The following VAC14 variants were observed in gnomAD, a reference collection of about 807,000 sequenced individuals.
The protein encoded by VAC14 is protein VAC14 homolog.
Under a neutral mutation model 85.3 loss-of-function variants are expected in VAC14, and 47 were observed. That is an observed-to-expected ratio of 0.55 (90% CI 0.44 to 0.70). VAC14 has a LOEUF of 0.70. Among genes scored for constraint, VAC14 ranks in the 30% least tolerant of loss-of-function variants. The pLI, the probability that VAC14 is intolerant of heterozygous loss-of-function variation, is 0.00. For missense variants in VAC14, 861 were observed against 1,004.3 expected, an observed-to-expected ratio of 0.86 and a Z score of 1.93; for synonymous variants, 447 against 430.5, an observed-to-expected ratio of 1.04 and a Z score of -0.47.
intron 18 of VAC14, chr16:70,691,377 G>A (rs1026552894): frequency 3.0e-6 from 3 of 985,302 alleles, no homozygotes; most frequent in Non-Finnish European, 3.6e-6. Context: ...CCCCTCCTGG[G>A]TGCCTGCCAG....
Position 70,688,091 on chromosome 16 carries a change from C to A in VAC14, c.2187-1G>T. ...CTTGGGGGCTGCCTTTAGACTGTCT[C>A]TGGGAAGAGGGAGCAGAAATGCTCA... On this transcript the variant is annotated splice_acceptor_variant, in intron 18 of 18. Coordinates refer to ENST00000261776, the MANE Select transcript of VAC14 (RefSeq NM_018052.5). LOFTEE classifies it high-confidence loss of function. 1 of 1,561,212 alleles carries A rather than the reference C, an allele frequency of 6.4e-7. No homozygotes were observed. The highest frequency in any genetic ancestry group is 8.7e-7 in the Non-Finnish European group (1 of 1,147,996).
At chr16:70,710,461 C>T (rs1597867491) in intron 14 of VAC14, among the ~76,000 whole-genome samples, 3 of 152,196 alleles carry the variant, frequency 2.0e-5, no homozygotes, top group Non-Finnish European at 2.9e-5. Context: ...AGGAATGAGG[C>T]GGGTGAGGGA....
intron 14 of VAC14, among the ~76,000 whole-genome samples, chr16:70,701,505 C>T (rs1308538919): frequency 6.6e-6 from 1 of 152,070 alleles, no homozygotes; most frequent in African/African-American, 2.4e-5. Flanking sequence ...ACCCTGGGAG[C>T]ACAACCTACA....
chr16:70,719,159 A>G (rs534010492), intron 14 of VAC14, among the ~76,000 whole-genome samples: 1 of 152,302 alleles, frequency 6.6e-6, no homozygotes, highest in African/African-American at 2.4e-5. Context: ...CAAAGCACAA[A>G]CAGGCTGGAC....
chr16:70,797,976 TTC>T (rs1025967812), intron 1 of VAC14, among the ~76,000 whole-genome samples: 9 of 152,208 alleles, frequency 5.9e-5, no homozygotes, highest in African/African-American at 2.2e-4. Context: ...TAAATCTCTT[TTC>T]TTTATAAATT....
At position 70,801,068 on chromosome 16, in the gene VAC14, A is replaced by G; in HGVS notation, c.-168T>C. The G allele has an allele frequency of 2.1e-6, 1 of 476,900 alleles. No homozygotes were observed. Among genetic ancestry groups the G allele is most frequent in the Non-Finnish European group, 3.6e-6 (1 of 275,138 alleles). The allele number at this position is 476,900 out of a possible 1,614,324, so 29.5% of individuals were successfully genotyped here. The stretch of plus-strand genomic sequence containing the variant: ...GCCTCGCCCTGGAACCCGGGCCCGG[A>G]CCCCGCTCCAGCACACCTGACCCTG... On this transcript the variant is annotated 5_prime_UTR_variant, in exon 1 of 19. Coordinates refer to ENST00000261776, the MANE Select transcript of VAC14 (RefSeq NM_018052.5).
At chr16:70,774,028 G>A (rs1405872595) in intron 9 of VAC14, among the ~76,000 whole-genome samples, 2 of 151,748 alleles carry the variant, frequency 1.3e-5, no homozygotes, top group Non-Finnish European at 2.9e-5. Context: ...ACCCACCTCA[G>A]CCTCCCAAAG....
At chr16:70,765,213 C>A (rs2032713423) in intron 10 of VAC14, among the ~76,000 whole-genome samples, 1 of 152,178 alleles carries the variant, frequency 6.6e-6, no homozygotes, top group Non-Finnish European at 1.5e-5. Flanking sequence ...GACCCCGTGC[C>A]TGGCAAATCA....
At chr16:70,776,180 A>G (rs940727234) in intron 9 of VAC14, among the ~76,000 whole-genome samples, 1 of 152,214 alleles carries the variant, frequency 6.6e-6, no homozygotes, top group Admixed American at 6.5e-5. Context: ...GGCTCACTGC[A>G]GCCTCGAGCT....
chr16:70,786,255 C>T lies in VAC14; in HGVS notation c.215G>A (p.Gly72Asp), dbSNP rs770181474. The T allele has an allele frequency of 2.5e-6, 4 of 1,614,238 alleles. No homozygotes were observed. The highest frequency in any genetic ancestry group is 3.4e-6 in the Non-Finnish European group (4 of 1,180,032). Residue 72 changes from glycine to aspartate, a missense_variant, in exon 2 of 19, where the codon GGC (glycine) becomes GAC (aspartate). Coordinates refer to ENST00000261776, the MANE Select transcript of VAC14 (RefSeq NM_018052.5). ...LSQHPHSRKGGLIGLAACSIA... is the reference protein window; with the variant it reads ...LSQHPHSRKGDLIGLAACSIA... The stretch of plus-strand genomic sequence containing the variant: ...GGAGCAGGCGGCCAGGCCGATGAGG[C>T]CCCCTTTCCGGCTGTGGGGGTGCTG...
At chr16:70,750,266 G>C (rs541069786) in intron 12 of VAC14, among the ~76,000 whole-genome samples, 1 of 152,240 alleles carries the variant, frequency 6.6e-6, no homozygotes, top group Non-Finnish European at 1.5e-5. Context: ...AAGGCTCAAA[G>C]AAAGCGGGAG....
At chr16:70,800,422 G>A (rs1438471394) in intron 1 of VAC14, among the ~76,000 whole-genome samples, 1 of 152,196 alleles carries the variant, frequency 6.6e-6, no homozygotes, top group Non-Finnish European at 1.5e-5. Context: ...AGCATCACCT[G>A]CAAATTCTCC....
chr16:70,772,087 C>T, intron 10 of VAC14, 22 bp downstream of exon 10: 1 of 1,612,886 alleles, frequency 6.2e-7, no homozygotes, highest in Non-Finnish European at 8.5e-7. Flanking sequence ...CACAAACCTT[C>T]TGGCTGAAAC....
At chr16:70,691,181 G>A (rs2053588420) in intron 18 of VAC14, 1 of 985,528 alleles carries the variant, frequency 1.0e-6, no homozygotes, top group Non-Finnish European at 1.2e-6. Context: ...GGTTTGAGGA[G>A]TCTGACTGCT....
chr16:70,695,900 C>T, intron 16 of VAC14: 1 of 325,960 alleles, frequency 3.1e-6, no homozygotes, highest in Non-Finnish European at 5.8e-6. Flanking sequence ...CGCTGCAGCC[C>T]GTTGGGGGAG....
chr16:70,768,810 G>GGT (rs1004332983), intron 10 of VAC14: 7 of 452,754 alleles, frequency 1.5e-5, no homozygotes, highest in Admixed American at 2.4e-5. Context: ...GCATTTTTTT[G>GGT]GTGTGTGTGT....
At chr16:70,748,637 G>T (rs1326362206) in intron 12 of VAC14, among the ~76,000 whole-genome samples, 4 of 152,180 alleles carry the variant, frequency 2.6e-5, no homozygotes, top group Non-Finnish European at 4.4e-5. Context: ...GGTAGGCAGG[G>T]CCAGATCTTC....
intron 13 of VAC14, among the ~76,000 whole-genome samples, chr16:70,739,047 C>A (rs571931192): frequency 1.7e-4 from 26 of 152,340 alleles, no homozygotes; most frequent in Admixed American, 1.4e-3. Flanking sequence ...TCTGCACCGG[C>A]CTGTAATAAC....
chr16:70,687,861 G>T lies in VAC14; in HGVS notation c.*67C>A. ...TGACAGGCAGGTCCTTGAGCTCCTC[G>T]GGAGGGCGTGACGACCCTTAGTGTT... is the stretch of plus-strand genomic sequence containing the variant. On this transcript the variant is annotated 3_prime_UTR_variant, in exon 19 of 19. Coordinates refer to ENST00000261776, the MANE Select transcript of VAC14 (RefSeq NM_018052.5). 1 of 1,374,780 alleles carries T rather than the reference G, an allele frequency of 7.3e-7. No individual in the cohort carries two copies. The highest frequency in any genetic ancestry group is 1.8e-5 in the South Asian group (1 of 55,774). The allele number at this position is 1,374,780 out of a possible 1,614,324, so 85.2% of individuals were successfully genotyped here. A position where few individuals can be genotyped will look rare whatever the true frequency, so the allele number is the denominator to read the frequency against.
Sources: gnomAD v4.1 joint callset for allele counts (sites outside exome capture counted in the v4.1 genomes callset) on GRCh38, gnomAD v4.1.1 for gene constraint, MANE v1.5 for transcripts, NCBI Gene and HGNC (gene_info 2026-07-23, HGNC 2026-07-21) for gene names.